Variants in TUSC3 observed in about 807,000 individuals in gnomAD.
The protein encoded by TUSC3 is tumor suppressor candidate 3.
TUSC3 carries 45 observed loss-of-function variants against 44.8 expected under a neutral mutation model. The ratio of observed to expected loss-of-function variants is 1.00; its 90% confidence interval spans 0.79 to 1.29. TUSC3 has a LOEUF of 1.29. Among genes scored for constraint, TUSC3 ranks in the 50% most tolerant of loss-of-function variants. The probability of loss-of-function intolerance (pLI) is 0.00; values close to 1 mark genes in which losing one functional copy is unlikely to be tolerated. For synonymous variants in TUSC3, 212 were observed against 152.9 expected, an observed-to-expected ratio of 1.39 and a Z score of -2.85; for missense variants, 519 against 437.9, an observed-to-expected ratio of 1.19 and a Z score of -1.65.
chr8:15,716,507 G>A (rs943508513), intron 6 of TUSC3, among the ~76,000 whole-genome samples: 2 of 152,006 alleles, frequency 1.3e-5, no homozygotes, highest in Admixed American at 6.6e-5. Context: ...CAATTTATGG[G>A]TAAAAAATTG....
At chr8:15,804,324 G>C in the TUSC3 span, among the ~76,000 whole-genome samples, 2 of 152,124 alleles carry the variant, frequency 1.3e-5, no homozygotes, top group South Asian at 4.1e-4. Flanking sequence ...CTGTGCAGAA[G>C]CTCTTTAATT....
chr8:15,615,094 C>G (rs1360581568), intron 1 of TUSC3, among the ~76,000 whole-genome samples: 1 of 152,078 alleles, frequency 6.6e-6, no homozygotes, highest in Non-Finnish European at 1.5e-5. Flanking sequence ...TAATATTCAG[C>G]AATCTCAATG....
chr8:15,843,621 T>TATATATATACAC, the TUSC3 span, among the ~76,000 whole-genome samples: 180 of 146,764 alleles, frequency 1.2e-3, 2 homozygotes, highest in African/African-American at 4.3e-3. Flanking sequence ...TATATATATA[T>TATATATATACAC]ACACGCACAT....
At chr8:15,690,710 C>A (rs1808860820) in intron 6 of TUSC3, among the ~76,000 whole-genome samples, 1 of 152,114 alleles carries the variant, frequency 6.6e-6, no homozygotes, top group African/African-American at 2.4e-5. Context: ...TTTCAGTCAT[C>A]TGCATATGGC....
chr8:15,475,294 C>G (rs961468859), intron 1 of TUSC3, among the ~76,000 whole-genome samples: 24 of 152,106 alleles, frequency 1.6e-4, no homozygotes, highest in African/African-American at 5.8e-4. Flanking sequence ...AGAGATAACA[C>G]CAGAGCCCAA....
chr8:15,555,276 A>ATTTTTTTTTTTT lies in TUSC3; in HGVS notation c.138+14732_138+14743dup, dbSNP rs35757466. ...GTTCATGTGCCACCATGCCAGGCTA[A>ATTTTTTTTTTTT]TTTTTTTTTTTTTTTTTTTTTTTTT... On this transcript the variant is annotated intron_variant, in intron 1 of 10. Transcript: ENST00000503731. Among the ~76,000 whole-genome samples, 24 of 44,892 alleles carry ATTTTTTTTTTTT rather than the reference A, an allele frequency of 5.3e-4. 5 individuals are homozygous for ATTTTTTTTTTTT. The highest frequency in any genetic ancestry group is 6.6e-4 in the African/African-American group (6 of 9,144). 29.5% of individuals were successfully genotyped at this position (44,892 alleles called of 152,430 possible). A position where few individuals can be genotyped will look rare whatever the true frequency, so the allele number is the denominator to read the frequency against.
intron 1 of TUSC3, among the ~76,000 whole-genome samples, chr8:15,417,933 G>A (rs1465365689): frequency 6.6e-6 from 1 of 152,120 alleles, no homozygotes; most frequent in African/African-American, 2.4e-5. Flanking sequence ...TGAGATGTGG[G>A]AAAGTTCTTT....
chr8:15,555,981 ATTTTATTTTTTATTT>A lies in TUSC3; in HGVS notation c.138+15433_138+15447del, dbSNP rs1172931106. On this transcript the variant is annotated intron_variant, in intron 1 of 10. Coordinates refer to ENST00000503731, the MANE Select transcript of TUSC3 (RefSeq NM_006765.4). ...CATTAGAAAATAGAGGTAAAAATCA[ATTTTATTTTTTATTT>A]TTTTATTTTTTATTTTTTTTTTATT... Among the ~76,000 whole-genome samples the A allele has an allele frequency of 1.6e-4, 24 of 151,320 alleles. 1 individual carries two copies. Among genetic ancestry groups the A allele is most frequent in the Admixed American group, 8.6e-4 (13 of 15,166 alleles).
intron 1 of TUSC3, among the ~76,000 whole-genome samples, chr8:15,571,698 C>A (rs1008389678): frequency 6.6e-6 from 1 of 152,090 alleles, no homozygotes; most frequent in African/African-American, 2.4e-5. Flanking sequence ...GCATGGAATG[C>A]TGTTTGATAG....
intron 6 of TUSC3, among the ~76,000 whole-genome samples, chr8:15,715,775 G>T (rs893218075): frequency 6.6e-6 from 1 of 151,938 alleles, no homozygotes; most frequent in Non-Finnish European, 1.5e-5. Context: ...GATCATAAAT[G>T]CAAAACTCGT....
intron 2 of TUSC3, among the ~76,000 whole-genome samples, chr8:15,500,155 G>T (rs1250032575): frequency 6.6e-6 from 1 of 152,132 alleles, no homozygotes; most frequent in African/African-American, 2.4e-5. Context: ...TGCAAAAGCA[G>T]CTAGAGTCTT....
intron 1 of TUSC3, among the ~76,000 whole-genome samples, chr8:15,608,014 C>T (rs994166029): frequency 6.6e-6 from 1 of 152,124 alleles, no homozygotes; most frequent in African/African-American, 2.4e-5. Flanking sequence ...TTGGGGTTTC[C>T]TTAGCAAACC....
At chr8:15,809,779 G>A in the TUSC3 span, among the ~76,000 whole-genome samples, 1 of 152,170 alleles carries the variant, frequency 6.6e-6, no homozygotes. Context: ...AAGAACGACT[G>A]TAATTATATT....
chr8:15,843,621 T>TATATATATATACACACAC, the TUSC3 span, among the ~76,000 whole-genome samples: 320 of 146,742 alleles, frequency 2.2e-3, 3 homozygotes, highest in African/African-American at 7.8e-3. Context: ...TATATATATA[T>TATATATATATACACACAC]ACACGCACAT....
At chr8:15,554,954 C>G (rs948247386) in intron 1 of TUSC3, among the ~76,000 whole-genome samples, 1 of 151,184 alleles carries the variant, frequency 6.6e-6, no homozygotes, top group African/African-American at 2.4e-5. Context: ...GGTAAATTGA[C>G]TCAGAAAGCA....
intron 2 of TUSC3, among the ~76,000 whole-genome samples, chr8:15,526,907 A>G (rs2129130275): frequency 6.6e-6 from 1 of 152,324 alleles, no homozygotes; most frequent in East Asian, 1.9e-4. Flanking sequence ...AATGATTAGA[A>G]ATCACCATTT....
intron 1 of TUSC3, among the ~76,000 whole-genome samples, chr8:15,439,667 G>A (rs1002167964): frequency 3.3e-5 from 5 of 152,232 alleles, no homozygotes; most frequent in Non-Finnish European, 5.9e-5. Flanking sequence ...ATTTGGGAGT[G>A]AGGACTAGAT....
At chr8:15,661,562 C>G (rs1292161738) in intron 4 of TUSC3, among the ~76,000 whole-genome samples, 1 of 151,988 alleles carries the variant, frequency 6.6e-6, no homozygotes, top group Non-Finnish European at 1.5e-5. Context: ...ATCTGTCCTT[C>G]ACTGGTGATA....
At chr8:15,790,865 G>T in the TUSC3 span, among the ~76,000 whole-genome samples, 3 of 151,890 alleles carry the variant, frequency 2.0e-5, no homozygotes, top group East Asian at 3.9e-4. Context: ...AACAACTGTG[G>T]GGTTCGTATC....
Sources: allele counts gnomAD v4.1 joint callset (sites outside exome capture counted in the v4.1 genomes callset), GRCh38; gene constraint gnomAD v4.1.1; transcripts MANE v1.5; gene names NCBI Gene and HGNC (gene_info 2026-07-23, HGNC 2026-07-21).